The following RPS6KC1 variants were observed in gnomAD, a reference collection of about 807,000 sequenced individuals.
RPS6KC1 encodes ribosomal protein S6 kinase C1, also known as inactive ribosomal protein S6 kinase delta-1.
In RPS6KC1, 54 loss-of-function variants were observed where a neutral mutation model predicts 103.8. That is an observed-to-expected ratio of 0.52 (90% CI 0.42 to 0.65). The LOEUF is 0.65. RPS6KC1 is among the 30% of genes least tolerant of loss of function. The pLI, the probability that RPS6KC1 is intolerant of heterozygous loss-of-function variation, is 0.00. For synonymous variants in RPS6KC1, 439 were observed against 438.7 expected (o/e 1.00, Z -0.01); for missense variants, 1,151 against 1,253.8 (o/e 0.92, Z 1.24).
At chr1:213,238,989 G>C (rs2094290631) in intron 10 of RPS6KC1, among the ~76,000 whole-genome samples, 1 of 152,172 alleles carries the variant, frequency 6.6e-6, no homozygotes, top group Non-Finnish European at 1.5e-5. Flanking sequence ...GAGAATGTGA[G>C]TATTGTTGTC....
the RPS6KC1 span, among the ~76,000 whole-genome samples, chr1:213,574,197 T>C: frequency 6.6e-6 from 1 of 152,240 alleles, no homozygotes; most frequent in Non-Finnish European, 1.5e-5. Flanking sequence ...TCTACGCCTC[T>C]TTCTTTCCTT....
chr1:213,524,674 G>A, the RPS6KC1 span, among the ~76,000 whole-genome samples: 2 of 152,220 alleles, frequency 1.3e-5, no homozygotes, highest in African/African-American at 4.8e-5. Context: ...CTTCTCATCT[G>A]TAGAATGGAG....
At chr1:213,311,002 G>C in the RPS6KC1 span, among the ~76,000 whole-genome samples, 3 of 152,082 alleles carry the variant, frequency 2.0e-5, no homozygotes, top group South Asian at 2.1e-4. Flanking sequence ...GTGGCTCAGT[G>C]GGGCGAAGAC....
At chr1:213,852,246 A>G in the RPS6KC1 span, among the ~76,000 whole-genome samples, 1 of 152,204 alleles carries the variant, frequency 6.6e-6, no homozygotes, top group Non-Finnish European at 1.5e-5. Context: ...TTAGCATGGC[A>G]TACAGATTCT....
intron 8 of RPS6KC1, among the ~76,000 whole-genome samples, chr1:213,180,491 A>G (rs1161843580): frequency 6.6e-6 from 1 of 152,236 alleles, no homozygotes; most frequent in Admixed American, 6.5e-5. Context: ...TTAGATCTTA[A>G]GAGTTTCTTG....
At chr1:213,261,972 T>C (rs908557768) in intron 13 of RPS6KC1, among the ~76,000 whole-genome samples, 1 of 152,212 alleles carries the variant, frequency 6.6e-6, no homozygotes, top group African/African-American at 2.4e-5. Flanking sequence ...ATTAAAATTC[T>C]CTGGATGTTT....
chr1:213,323,656 C>T, the RPS6KC1 span, among the ~76,000 whole-genome samples: 1 of 152,096 alleles, frequency 6.6e-6, no homozygotes, highest in Non-Finnish European at 1.5e-5. Context: ...CTACTTTTTC[C>T]TGGGGCCATT....
At chr1:213,671,974 G>A in the RPS6KC1 span, among the ~76,000 whole-genome samples, 2 of 151,316 alleles carry the variant, frequency 1.3e-5, no homozygotes, top group Non-Finnish European at 2.9e-5. Context: ...AGAAAATTGA[G>A]GCTAGCAAGA....
the RPS6KC1 span, among the ~76,000 whole-genome samples, chr1:213,589,358 C>T: frequency 6.6e-6 from 1 of 152,120 alleles, no homozygotes; most frequent in Non-Finnish European, 1.5e-5. Context: ...TTAAGAATGG[C>T]TCTAGAGCTG....
At chr1:213,858,053 G>A in the RPS6KC1 span, among the ~76,000 whole-genome samples, 6 of 152,262 alleles carry the variant, frequency 3.9e-5, no homozygotes, top group East Asian at 1.2e-3. Flanking sequence ...TATTCACAGA[G>A]CACTGCAACA....
At chr1:213,862,288 G>A in the RPS6KC1 span, among the ~76,000 whole-genome samples, 1 of 152,162 alleles carries the variant, frequency 6.6e-6, no homozygotes, top group East Asian at 1.9e-4. Context: ...ACCATGCAAG[G>A]AGAAGAATAG....
At chr1:213,562,531 A>G in the RPS6KC1 span, among the ~76,000 whole-genome samples, 1 of 151,668 alleles carries the variant, frequency 6.6e-6, no homozygotes, top group African/African-American at 2.4e-5. Flanking sequence ...CTGGGACTAC[A>G]GTTGCCGGCC....
chr1:213,701,928 A>C, the RPS6KC1 span, among the ~76,000 whole-genome samples: 1 of 151,262 alleles, frequency 6.6e-6, no homozygotes, highest in African/African-American at 2.4e-5. Flanking sequence ...TTCTGCTCTG[A>C]TGTTTGTTAT....
the RPS6KC1 span, among the ~76,000 whole-genome samples, chr1:213,790,572 T>G: frequency 6.6e-6 from 1 of 152,004 alleles, no homozygotes; most frequent in African/African-American, 2.4e-5. Context: ...CATAACTATT[T>G]TGAGAGGGAG....
At chr1:213,088,007 C>T (rs116744351) in intron 3 of RPS6KC1, among the ~76,000 whole-genome samples, 1,965 of 152,272 alleles carry the variant, frequency 0.013, 24 homozygotes, top group Non-Finnish European at 0.019. Flanking sequence ...AAAGTTGTTT[C>T]CTATGGTCTT....
At chr1:213,339,670 G>T in the RPS6KC1 span, among the ~76,000 whole-genome samples, 1 of 152,230 alleles carries the variant, frequency 6.6e-6, no homozygotes, top group African/African-American at 2.4e-5. Context: ...TATTTGAGAA[G>T]ACAAGCAATC....
intron 3 of RPS6KC1, among the ~76,000 whole-genome samples, chr1:213,091,589 T>C (rs190706611): frequency 4.6e-5 from 7 of 152,338 alleles, no homozygotes; most frequent in Admixed American, 3.3e-4. Flanking sequence ...TTGAAAAATA[T>C]TGGTTTCCTG....
At chr1:213,682,099 C>T in the RPS6KC1 span, among the ~76,000 whole-genome samples, 2 of 152,180 alleles carry the variant, frequency 1.3e-5, no homozygotes, top group African/African-American at 4.8e-5. Context: ...TTGCTGAGGA[C>T]AGTACTGGCT....
chr1:213,629,638 G>A, the RPS6KC1 span, among the ~76,000 whole-genome samples: 1 of 152,100 alleles, frequency 6.6e-6, no homozygotes, highest in Non-Finnish European at 1.5e-5. Flanking sequence ...GATGTTAGCT[G>A]GTTATTTTGC....
Sources: gnomAD v4.1 joint callset for allele counts (sites outside exome capture counted in the v4.1 genomes callset) on GRCh38, gnomAD v4.1.1 for gene constraint, MANE v1.5 for transcripts, NCBI Gene and HGNC (gene_info 2026-07-23, HGNC 2026-07-21) for gene names.